The following FNBP1 variants were observed in gnomAD, a reference collection of about 807,000 sequenced individuals.
FNBP1 encodes the protein formin-binding protein 1.
A neutral mutation model predicts 90.6 loss-of-function variants in FNBP1; 26 were observed. That is an observed-to-expected ratio of 0.29 (90% CI 0.21 to 0.40). The LOEUF (loss-of-function observed/expected upper bound fraction) is 0.40. Among genes scored for constraint, FNBP1 ranks in the 10% least tolerant of loss-of-function variants. FNBP1 has a pLI of 1.00. For missense variants in FNBP1, 635 were observed against 768.0 expected (o/e 0.83, Z 2.05); for synonymous variants, 260 against 265.2 (o/e 0.98, Z 0.19).
chr9:129,910,270 C>A lies in FNBP1; in HGVS notation c.1186-1271G>T, dbSNP rs754667211. ...GGCCGAGGTGGGTGGATCATAAGGT[C>A]AGGAGTTTGAGACCAGCCTGGCCAA... On this transcript the variant is annotated intron_variant, in intron 11 of 16. Coordinates refer to ENST00000446176, the MANE Select transcript of FNBP1 (RefSeq NM_015033.3). 109 of 446,102 alleles carry A rather than the reference C, an allele frequency of 2.4e-4. No individual in the cohort carries two copies. In the Middle Eastern group the frequency reaches 0.01, roughly 41 times the overall value. 27.6% of individuals were successfully genotyped at this position (446,102 alleles called of 1,614,324 possible). A position where few individuals can be genotyped will look rare whatever the true frequency, so the allele number is the denominator to read the frequency against.
chr9:129,939,940 C>A (rs1005859414), intron 6 of FNBP1, among the ~76,000 whole-genome samples: 15 of 152,112 alleles, frequency 9.9e-5, no homozygotes, highest in African/African-American at 3.4e-4. Flanking sequence ...GCGGCTCACA[C>A]CTGTAATCCC....
intron 13 of FNBP1, among the ~76,000 whole-genome samples, chr9:129,901,777 T>C (rs1415432816): frequency 6.6e-6 from 1 of 152,006 alleles, no homozygotes; most frequent in African/African-American, 2.4e-5. Flanking sequence ...CCGGGTGTGG[T>C]GGTACACACC....
chr9:129,973,372 C>T (rs893235583), intron 4 of FNBP1, among the ~76,000 whole-genome samples: 5 of 152,194 alleles, frequency 3.3e-5, no homozygotes, highest in Admixed American at 1.3e-4. Context: ...AAGAATCATC[C>T]TTACAATAAA....
intron 2 of FNBP1, 104 bp from the exon 3 acceptor site, chr9:129,979,478 A>G (rs1023183411): frequency 2.6e-6 from 2 of 780,414 alleles, no homozygotes; most frequent in African/African-American, 3.5e-5. Flanking sequence ...AAAACAAACA[A>G]AAAAAGTCCA....
At chr9:129,893,103 G>C (rs2035274969) in intron 16 of FNBP1, among the ~76,000 whole-genome samples, 1 of 152,126 alleles carries the variant, frequency 6.6e-6, no homozygotes, top group Non-Finnish European at 1.5e-5. Context: ...GACTGGAAAT[G>C]AGTTTGTCAT....
rs752098366 is a variant in FNBP1, at chr9:129,965,798, GGGGA to G, written c.346-7249_346-7246del. Among the ~76,000 whole-genome samples the G allele has an allele frequency of 6.4e-4, 79 of 122,690 alleles. 2 individuals carry two copies. Among genetic ancestry groups the G allele is most frequent in the East Asian group, 1.1e-3 (5 of 4,416 alleles). The allele number at this position is 122,690 out of a possible 152,430, so 80.5% of individuals were successfully genotyped here. A position where few individuals can be genotyped will look rare whatever the true frequency, so the allele number is the denominator to read the frequency against. On this transcript the variant is annotated intron_variant, in intron 4 of 16. Coordinates refer to ENST00000446176, the MANE Select transcript of FNBP1 (RefSeq NM_015033.3). ...GAAGGGAGGGAAGGAGGGAGGGAGG[GGGGA>G]AGGAGGGAGGGAGGGAGGAAGGAAG...
At chr9:129,995,775 G>A (rs916360892) in intron 1 of FNBP1, among the ~76,000 whole-genome samples, 1 of 152,126 alleles carries the variant, frequency 6.6e-6, no homozygotes, top group African/African-American at 2.4e-5. Flanking sequence ...GCAAGGTGGA[G>A]GTGGGTGGGG....
At chr9:129,974,880 AAAAAAGG>A (rs1159621820) in intron 4 of FNBP1, among the ~76,000 whole-genome samples, 1 of 151,810 alleles carries the variant, frequency 6.6e-6, no homozygotes, top group African/African-American at 2.4e-5. Context: ...AGAAAGAAAG[AAAAAAGG>A]AAAAAGAAAA....
At chr9:130,015,415 TA>T (rs1438102816) in intron 1 of FNBP1, among the ~76,000 whole-genome samples, 6 of 152,094 alleles carry the variant, frequency 3.9e-5, no homozygotes, top group Non-Finnish European at 5.9e-5. Flanking sequence ...GGAATGATAA[TA>T]AAACTATTTA....
intron 10 of FNBP1, among the ~76,000 whole-genome samples, chr9:129,923,504 G>A (rs1249367598): frequency 3.3e-5 from 5 of 151,254 alleles, no homozygotes; most frequent in East Asian, 3.9e-4. Flanking sequence ...GCTTAAACCC[G>A]GGAGGTGGAG....
intron 6 of FNBP1, among the ~76,000 whole-genome samples, chr9:129,954,241 C>A (rs1182242363): frequency 1.3e-5 from 2 of 151,734 alleles, no homozygotes; most frequent in Admixed American, 6.6e-5. Flanking sequence ...TAGGATCAAC[C>A]CAGAAGTAGA....
At chr9:129,918,871 G>GAAA in intron 10 of FNBP1, 1 of 155,690 alleles carries the variant, frequency 6.4e-6, no homozygotes, top group South Asian at 1.0e-4. Context: ...AATGAAAAGA[G>GAAA]AAAAACAAAA....
At chr9:129,991,275 A>AT (rs34733804) in intron 2 of FNBP1, among the ~76,000 whole-genome samples, 19,777 of 132,688 alleles carry the variant, frequency 0.15, 2,246 homozygotes, top group East Asian at 0.67. Flanking sequence ...GGAAATGCAG[A>AT]TTTTTTTTTT....
upstream of FNBP1, chr9:130,045,065 TTTAAG>T (rs1333912208): frequency 6.6e-6 from 1 of 152,208 alleles, no homozygotes. Context: ...TTACAATAAA[TTTAAG>T]TTGTCAAAAC....
At position 129,900,271 on chromosome 9, in the gene FNBP1, T is replaced by C. The variant is rs1456894692; in HGVS notation, c.1550+155A>G. ...AGATCACCCATCCCATGTGGAATTA[T>C]AAATCTGCATCATGGAAAAAGTGAC... On this transcript the variant is annotated intron_variant, in intron 14 of 16. Coordinates refer to ENST00000446176, the MANE Select transcript of FNBP1 (RefSeq NM_015033.3). The surrounding 1 kb of genome is among the most constrained non-coding windows in gnomAD (Gnocchi z 4.1). Among the ~76,000 whole-genome samples the C allele has an allele frequency of 1.3e-5, 2 of 152,236 alleles. No individual in the cohort carries two copies. Among genetic ancestry groups the C allele is most frequent in the South Asian group, 2.1e-4 (1 of 4,830 alleles).
intron 16 of FNBP1, among the ~76,000 whole-genome samples, chr9:129,892,318 G>A (rs1456551119): frequency 6.7e-6 from 1 of 150,092 alleles, no homozygotes; most frequent in Non-Finnish European, 1.5e-5. Context: ...CCCACCGGAA[G>A]TTACTCTAGT....
chr9:130,002,028 C>CA (rs56320987), intron 1 of FNBP1, among the ~76,000 whole-genome samples: 1,780 of 83,068 alleles, frequency 0.021, 55 homozygotes, highest in African/African-American at 0.08. Context: ...ACTTCTGCCT[C>CA]AAAAAAAAAA....
chr9:129,954,576 T>C (rs185578471), intron 6 of FNBP1, among the ~76,000 whole-genome samples: 19 of 152,200 alleles, frequency 1.2e-4, no homozygotes, highest in African/African-American at 4.3e-4. Flanking sequence ...ATTAATGTAA[T>C]TGACCACGTT....
intron 4 of FNBP1, among the ~76,000 whole-genome samples, chr9:129,969,156 C>A (rs756294376): frequency 1.4e-4 from 22 of 152,104 alleles, no homozygotes; most frequent in Non-Finnish European, 2.9e-4. Context: ...TCTGAATTAC[C>A]CACATCTCAG....
Sources: gnomAD v4.1 joint callset for allele counts (sites outside exome capture counted in the v4.1 genomes callset) on GRCh38, gnomAD v4.1.1 for gene constraint, Gnocchi (gnomAD v3.1) non-coding constraint, MANE v1.5 for transcripts, NCBI Gene and HGNC (gene_info 2026-07-23, HGNC 2026-07-21) for gene names.